Variants in KIRREL1 observed in about 807,000 individuals in gnomAD.
KIRREL1 encodes kirre like nephrin family adhesion molecule 1.
In KIRREL1, 25 loss-of-function variants were observed where a neutral mutation model predicts 83.3. That is an observed-to-expected ratio of 0.30 (90% CI 0.22 to 0.42). The LOEUF is 0.42. KIRREL1 is among the 10% of genes least tolerant of loss of function. KIRREL1 has a pLI of 1.00. For missense variants in KIRREL1, 812 were observed against 1,032.3 expected, an observed-to-expected ratio of 0.79 and a Z score of 2.92; for synonymous variants, 388 against 410.4, an observed-to-expected ratio of 0.95 and a Z score of 0.66.
intron 1 of KIRREL1, among the ~76,000 whole-genome samples, chr1:158,005,384 C>CT (rs1207862977): frequency 6.6e-6 from 1 of 151,952 alleles, no homozygotes; most frequent in Non-Finnish European, 1.5e-5. Flanking sequence ...TCCTTAGCCC[C>CT]AAGATTGTCT....
Position 158,094,945 on chromosome 1 carries a change from G to T in KIRREL1, c.2099G>T (p.Gly700Val), listed in dbSNP as rs764515210. 3 of 1,613,900 alleles carry T rather than the reference G, an allele frequency of 1.9e-6. No homozygotes were observed. Among genetic ancestry groups the T allele is most frequent in the Non-Finnish European group, 2.5e-6 (3 of 1,179,950 alleles). Reference protein sequence around the residue: ...FNSHPFPGAAGYPTYRLGYPQ... With the variant: ...FNSHPFPGAAVYPTYRLGYPQ... ...TCCCATCCCTTCCCTGGGGCAGCTG[G>T]GTACCCCACCTACCGACTGGGCTAC... The change falls in exon 15 of 15, where the codon GGG becomes GTG. Residue 700 changes from glycine (G) to valine (V), a missense_variant. Physicochemically the swap from Gly to Val is moderately radical, Grantham distance 109 (BLOSUM62 -3). Coordinates refer to ENST00000359209, the MANE Select transcript of KIRREL1 (RefSeq NM_018240.7). This position sits in a 1 kb window ranked among gnomAD's most constrained non-coding sequence, Gnocchi z 4.6.
At chr1:158,061,590 C>A (rs899845997) in intron 1 of KIRREL1, among the ~76,000 whole-genome samples, 1 of 152,212 alleles carries the variant, frequency 6.6e-6, no homozygotes, top group Non-Finnish European at 1.5e-5. Flanking sequence ...TGGACACCTT[C>A]ATCAGTCACA....
chr1:158,070,123 G>A (rs1570974981), intron 1 of KIRREL1, among the ~76,000 whole-genome samples: 1 of 152,206 alleles, frequency 6.6e-6, no homozygotes, highest in South Asian at 2.1e-4. Flanking sequence ...GAGCTGAAGA[G>A]TGCAGCCTCC....
In KIRREL1 at chr1:158,095,834, G is replaced by GC. The variant is rs1370630198; in HGVS notation, c.*716dup. 6.6e-6 allele frequency: 1 copy of GC among 152,422 alleles called. No individual in the cohort carries two copies. The highest frequency in any genetic ancestry group is 1.5e-5 in the Non-Finnish European group (1 of 68,250). 9.4% of individuals were successfully genotyped at this position (152,422 alleles called of 1,614,324 possible). On this transcript the variant is annotated 3_prime_UTR_variant, in exon 15 of 15. Transcript: ENST00000359209. ...CCGCTTTCCTTCTCCTCCATGCTGG[G>GC]CCAGCCAGATAAGTCAGGGTCCTGG...
chr1:158,018,702 C>T (rs1054555596), intron 1 of KIRREL1, among the ~76,000 whole-genome samples: 5 of 152,014 alleles, frequency 3.3e-5, no homozygotes, highest in Admixed American at 6.5e-5. Context: ...AAGGAGGAGC[C>T]CTGGAAAAAG....
chr1:158,068,191 T>C (rs72711953), intron 1 of KIRREL1, among the ~76,000 whole-genome samples: 3,413 of 152,276 alleles, frequency 0.022, 72 homozygotes, highest in Non-Finnish European at 0.033. Flanking sequence ...CCAGAGAGCT[T>C]TGGTCGGCAG....
At chr1:158,050,336 A>T (rs1660878847) in intron 1 of KIRREL1, among the ~76,000 whole-genome samples, 1 of 152,018 alleles carries the variant, frequency 6.6e-6, no homozygotes, top group South Asian at 2.1e-4. Context: ...TATTTCACAG[A>T]TGAAATACCT....
At chr1:158,082,789 G>T (rs763668297) in intron 3 of KIRREL1, among the ~76,000 whole-genome samples, 1 of 151,974 alleles carries the variant, frequency 6.6e-6, no homozygotes, top group Non-Finnish European at 1.5e-5. Context: ...GCAACATAGC[G>T]AAACCTCGTC....
At chr1:158,092,025 T>A (rs1262923075) in intron 11 of KIRREL1, among the ~76,000 whole-genome samples, 5 of 152,206 alleles carry the variant, frequency 3.3e-5, no homozygotes, top group African/African-American at 1.2e-4. Flanking sequence ...CAAAAGGGAA[T>A]AACACGCCCA....
chr1:158,026,049 G>C (rs1473046615), intron 1 of KIRREL1, among the ~76,000 whole-genome samples: 1 of 152,114 alleles, frequency 6.6e-6, no homozygotes, highest in Non-Finnish European at 1.5e-5. Flanking sequence ...GGTGGTGGGA[G>C]GGGGCACACC....
At chr1:158,069,344 G>GTGTGT (rs1558009729) in intron 1 of KIRREL1, among the ~76,000 whole-genome samples, 9 of 136,850 alleles carry the variant, frequency 6.6e-5, no homozygotes, top group African/African-American at 2.5e-4. Flanking sequence ...GTGTGTGTGT[G>GTGTGT]AATCTAAGCA....
intron 1 of KIRREL1, among the ~76,000 whole-genome samples, chr1:158,048,926 A>G (rs1660844104): frequency 6.6e-6 from 1 of 152,158 alleles, no homozygotes; most frequent in African/African-American, 2.4e-5. Flanking sequence ...GAGAGAATTG[A>G]AAGGTAAGGT....
intron 1 of KIRREL1, among the ~76,000 whole-genome samples, chr1:158,007,484 A>C (rs185440619): frequency 6.6e-6 from 1 of 152,266 alleles, no homozygotes; most frequent in African/African-American, 2.4e-5. Flanking sequence ...GAGCTGCGGT[A>C]TGGCTTTGTC....
intron 1 of KIRREL1, among the ~76,000 whole-genome samples, chr1:158,019,962 G>T (rs1659954197): frequency 6.6e-6 from 1 of 152,166 alleles, no homozygotes; most frequent in Non-Finnish European, 1.5e-5. Context: ...GACTGCTGTG[G>T]CCCGGGATAA....
intron 5 of KIRREL1, 64 bp downstream of exon 5, chr1:158,086,810 A>T (rs540418640): frequency 2.6e-5 from 38 of 1,441,074 alleles, no homozygotes; most frequent in Non-Finnish European, 3.6e-5. Context: ...TTTGAGAAGC[A>T]CACTCTTAGT....
intron 1 of KIRREL1, among the ~76,000 whole-genome samples, chr1:158,015,530 C>T (rs974434051): frequency 1.3e-5 from 2 of 152,208 alleles, no homozygotes; most frequent in African/African-American, 4.8e-5. Context: ...CTTTAAGGAA[C>T]AGCCCTGTGA....
intron 3 of KIRREL1, among the ~76,000 whole-genome samples, chr1:158,079,094 TG>T (rs1661769720): frequency 1.3e-5 from 2 of 152,232 alleles, no homozygotes; most frequent in Non-Finnish European, 2.9e-5. Flanking sequence ...GTCTTGGGCT[TG>T]GACTCTGTCC....
chr1:158,094,366 C>T lies in KIRREL1; in HGVS notation c.1773C>T (p.Asp591=), dbSNP rs1375936608. 1.2e-6 allele frequency: 2 copies of T among 1,612,588 alleles called. No homozygotes were observed. The highest frequency in any genetic ancestry group is 1.7e-6 in the Non-Finnish European group (2 of 1,179,612). ...AGGACCTGCGCTGCGACACCATCGA[C>T]ACCCGGGAGGAGTATGAGATGAAGG... ...LKQDLRCDTI[D]TREEYEMKDP... is the part of the protein sequence containing the mutation. Residue 591 remains aspartate, a synonymous_variant, in exon 14 of 15, where the codon GAC becomes GAT. Transcript: ENST00000359209. The surrounding 1 kb of genome is among the most constrained non-coding windows in gnomAD (Gnocchi z 4.6).
chr1:158,008,413 T>C (rs750407762), intron 1 of KIRREL1, among the ~76,000 whole-genome samples: 6 of 152,092 alleles, frequency 3.9e-5, no homozygotes, highest in Non-Finnish European at 7.4e-5. Flanking sequence ...TGGCCTGCCC[T>C]AGGGGTACAG....
Sources: allele counts gnomAD v4.1 joint callset (sites outside exome capture counted in the v4.1 genomes callset), GRCh38; gene constraint gnomAD v4.1.1; non-coding constraint Gnocchi (gnomAD v3.1); transcripts MANE v1.5; gene names NCBI Gene and HGNC (gene_info 2026-07-23, HGNC 2026-07-21).